FBN2: variants seen among roughly 807,000 people sequenced by gnomAD.
FBN2 encodes fibrillin 2, also known as fibrillin-2.
FBN2 carries 105 observed loss-of-function variants against 355.6 expected under a neutral mutation model. The observed-to-expected ratio is 0.30, with a 90% CI of 0.25 to 0.35. The LOEUF (loss-of-function observed/expected upper bound fraction) is 0.35. FBN2 is among the 10% of genes least tolerant of loss of function. The pLI is 1.00. For synonymous variants in FBN2, 1,350 were observed against 1,301.2 expected (o/e 1.04, Z -0.81); for missense variants, 3,280 against 3,758.7 (o/e 0.87, Z 3.33).
chr5:128,380,142 T>C (rs1752192455), intron 11 of FBN2, among the ~76,000 whole-genome samples: 1 of 152,088 alleles, frequency 6.6e-6, no homozygotes, highest in Non-Finnish European at 1.5e-5. Flanking sequence ...AAGACTCACT[T>C]ACATTTAAAG....
In FBN2 at chr5:128,537,400, G is replaced by T; in HGVS notation, c.204C>A (p.Ala68=). The T allele has an allele frequency of 6.2e-7, 1 of 1,610,346 alleles. No individual in the cohort carries two copies. Among genetic ancestry groups the T allele is most frequent in the South Asian group, 1.1e-5 (1 of 90,640 alleles). ...FLAPEYREEG[A]AVASRVRRRG... ...GCCGGCGGACGCGGCTGGCCACTGC[G>T]GCACCCTCCTCGCGATACTCGGGCG... The change falls in exon 1 of 65, where the codon GCC becomes GCA. Residue 68 remains alanine (A), a synonymous_variant. Transcript: ENST00000262464.
intron 56 of FBN2, 148 bp downstream of exon 56, chr5:128,280,044 G>T: frequency 1.5e-6 from 1 of 660,020 alleles, no homozygotes; most frequent in Non-Finnish European, 2.7e-6. Flanking sequence ...CATTTTAATA[G>T]ATGTGCATCT....
At chr5:128,299,435 A>G (rs2195399) in intron 48 of FBN2, among the ~76,000 whole-genome samples, 81,981 of 121,258 alleles carry the variant, frequency 0.68, 28,654 homozygotes, top group East Asian at 0.85. Context: ...CCCCAGCCTC[A>G]CAGTTTGATC....
At chr5:128,471,181 C>A (rs1388928961) in intron 5 of FBN2, among the ~76,000 whole-genome samples, 1 of 151,940 alleles carries the variant, frequency 6.6e-6, no homozygotes, top group African/African-American at 2.4e-5. Context: ...ATCTAAGGAT[C>A]CTGGCTAGGT....
At chr5:128,464,437 T>C (rs1304662576) in intron 6 of FBN2, among the ~76,000 whole-genome samples, 1 of 152,196 alleles carries the variant, frequency 6.6e-6, no homozygotes, top group African/African-American at 2.4e-5. Context: ...GCCATCTAGA[T>C]AAAAATAGAG....
At chr5:128,261,053 A>G (rs1248747762) in intron 64 of FBN2, among the ~76,000 whole-genome samples, 1 of 152,216 alleles carries the variant, frequency 6.6e-6, no homozygotes, top group Non-Finnish European at 1.5e-5. Context: ...CAGCCTTCAG[A>G]GGTATTATTA....
At chr5:128,335,946 T>C (rs1305615988) in intron 28 of FBN2, 42 bp downstream of exon 28, 3 of 1,610,552 alleles carry the variant, frequency 1.9e-6, no homozygotes, top group Non-Finnish European at 2.5e-6. Flanking sequence ...CCTAGGCTGA[T>C]TTGAGACATA....
chr5:128,394,979 T>G, intron 9 of FBN2, 143 bp downstream of exon 9: 1 of 855,564 alleles, frequency 1.2e-6, no homozygotes, highest in African/African-American at 1.7e-5. Context: ...AGAGACAGGA[T>G]TTCGCCATGT....
chr5:128,525,577 A>C (rs1756539323), intron 4 of FBN2, among the ~76,000 whole-genome samples: 1 of 152,096 alleles, frequency 6.6e-6, no homozygotes, highest in African/African-American at 2.4e-5. Context: ...AGAGAATTTA[A>C]CACATTGGCC....
At chr5:128,278,108 C>G (rs1765442119) in intron 57 of FBN2, 103 bp from the exon 58 acceptor site, 2 of 1,156,908 alleles carry the variant, frequency 1.7e-6, no homozygotes, top group African/African-American at 3.0e-5. Context: ...ACATAACTAA[C>G]TGCAAACATT....
At chr5:128,282,218 G>C (rs185936172) in intron 55 of FBN2, among the ~76,000 whole-genome samples, 2 of 151,904 alleles carry the variant, frequency 1.3e-5, no homozygotes, top group African/African-American at 4.8e-5. Flanking sequence ...TTTCTTCTTA[G>C]TGTTTTGAAA....
At chr5:128,535,757 T>A (rs1161451026) in intron 2 of FBN2, among the ~76,000 whole-genome samples, 2 of 151,240 alleles carry the variant, frequency 1.3e-5, no homozygotes, top group African/African-American at 2.4e-5. Context: ...TTTGGAAATC[T>A]ACTGCACACT....
At chr5:128,488,234 A>T (rs954462180) in intron 5 of FBN2, among the ~76,000 whole-genome samples, 2 of 152,160 alleles carry the variant, frequency 1.3e-5, no homozygotes, top group African/African-American at 4.8e-5. Context: ...GCATTCACTG[A>T]AACACTAAAT....
At chr5:128,389,448 C>A (rs1353417288) in intron 11 of FBN2, among the ~76,000 whole-genome samples, 1 of 152,228 alleles carries the variant, frequency 6.6e-6, no homozygotes. Context: ...TCCAAGTGGA[C>A]ACAGCCATGC....
intron 5 of FBN2, among the ~76,000 whole-genome samples, chr5:128,472,902 C>T (rs1221753110): frequency 1.3e-5 from 2 of 151,944 alleles, no homozygotes; most frequent in Non-Finnish European, 2.9e-5. Flanking sequence ...CTTTTGAAAT[C>T]ATATTTAAAT....
Position 128,286,736 on chromosome 5 carries a change from C to A in FBN2, c.6994G>T (p.Asp2332Tyr). ...CGCTTACCTACACAGCCTTCTCCAT[C>A]GGGCCTTCGGGCCATTCCAGGAGGG... ...ICPPGMARRP[D>Y]GEGCVDENEC... The change falls in exon 55 of 65, where the codon GAT (aspartate) becomes TAT (tyrosine). Residue 2332 changes from aspartate (D) to tyrosine (Y), a missense_variant. Coordinates refer to ENST00000262464, the MANE Select transcript of FBN2 (RefSeq NM_001999.4). 1 of 1,614,140 alleles carries A rather than the reference C, an allele frequency of 6.2e-7. No homozygotes were observed. The highest frequency in any genetic ancestry group is 8.5e-7 in the Non-Finnish European group (1 of 1,179,988).
intron 5 of FBN2, among the ~76,000 whole-genome samples, chr5:128,495,470 G>C (rs1196653167): frequency 6.6e-6 from 1 of 152,060 alleles, no homozygotes; most frequent in Non-Finnish European, 1.5e-5. Context: ...CAAAGTTTAA[G>C]TAGTAAAAAT....
At chr5:128,373,856 G>C (rs1166972412) in intron 15 of FBN2, among the ~76,000 whole-genome samples, 2 of 152,100 alleles carry the variant, frequency 1.3e-5, no homozygotes, top group Non-Finnish European at 2.9e-5. Context: ...GAATGGCTTA[G>C]AATAAAATAT....
chr5:128,433,138 G>A (rs1327098836), intron 7 of FBN2, among the ~76,000 whole-genome samples: 1 of 152,020 alleles, frequency 6.6e-6, no homozygotes, highest in Non-Finnish European at 1.5e-5. Flanking sequence ...AACCATATCA[G>A]ATGCCTTAAA....
Sources: allele counts gnomAD v4.1 joint callset (sites outside exome capture counted in the v4.1 genomes callset), GRCh38; gene constraint gnomAD v4.1.1; transcripts MANE v1.5; gene names NCBI Gene and HGNC (gene_info 2026-07-23, HGNC 2026-07-21).